The following CLVS1 variants were observed in gnomAD, a reference collection of about 807,000 sequenced individuals.
The protein encoded by CLVS1 is clavesin 1, also known as clavesin-1.
CLVS1 carries 10 observed loss-of-function variants against 33.1 expected under a neutral mutation model. The ratio of observed to expected loss-of-function variants is 0.30; its 90% CI spans 0.19 to 0.51. The LOEUF is 0.51. Ranked by LOEUF, CLVS1 falls within the 20% of genes least tolerant of loss-of-function variation. The probability of loss-of-function intolerance (pLI) is 0.97; values close to 1 mark genes in which losing one functional copy is unlikely to be tolerated. For synonymous variants in CLVS1, 163 were observed against 166.1 expected, an observed-to-expected ratio of 0.98 and a Z score of 0.14; for missense variants, 343 against 433.4, an observed-to-expected ratio of 0.79 and a Z score of 1.85.
At chr8:61,164,060 G>C (rs1434506133) in intron 2 of CLVS1, among the ~76,000 whole-genome samples, 1 of 152,176 alleles carries the variant, frequency 6.6e-6, no homozygotes, top group East Asian at 1.9e-4. Context: ...CCCTCCCCCT[G>C]TGCTCTCAGG....
At chr8:61,067,217 TATTA>T (rs144208386) in intron 1 of CLVS1, among the ~76,000 whole-genome samples, 4 of 141,002 alleles carry the variant, frequency 2.8e-5, no homozygotes. Flanking sequence ...TATCTTTTTG[TATTA>T]ATTATCAGAC....
intron 5 of CLVS1, among the ~76,000 whole-genome samples, chr8:61,471,341 T>C (rs947666249): frequency 6.6e-6 from 1 of 152,176 alleles, no homozygotes; most frequent in Non-Finnish European, 1.5e-5. Context: ...TTCCCAGCGT[T>C]GTGTAGAAGG....
At chr8:61,456,038 T>A (rs149847322) in intron 4 of CLVS1, among the ~76,000 whole-genome samples, 1 of 152,318 alleles carries the variant, frequency 6.6e-6, no homozygotes, top group Non-Finnish European at 1.5e-5. Flanking sequence ...CTAGGACTGT[T>A]CTCAACATGG....
chr8:61,358,322 TACACTGTGTGCAAACACAC>T (rs1046583793), intron 2 of CLVS1, among the ~76,000 whole-genome samples: 2 of 152,246 alleles, frequency 1.3e-5, no homozygotes, highest in Admixed American at 6.5e-5. Flanking sequence ...AATTATATTG[TACACTGTGTGCAAACACAC>T]ACACTGTGTG....
At chr8:61,220,964 T>A (rs75760909) in intron 2 of CLVS1, among the ~76,000 whole-genome samples, 1 of 152,108 alleles carries the variant, frequency 6.6e-6, no homozygotes, top group Non-Finnish European at 1.5e-5. Flanking sequence ...TGGGAATTCG[T>A]TCATGATTTA....
chr8:61,140,628 T>G (rs973367719), intron 2 of CLVS1, among the ~76,000 whole-genome samples: 3 of 152,226 alleles, frequency 2.0e-5, no homozygotes, highest in Admixed American at 6.5e-5. Context: ...AGTGGCGCGA[T>G]CTCGGCTCAC....
At chr8:61,428,112 G>A (rs1173202087) in intron 3 of CLVS1, among the ~76,000 whole-genome samples, 1 of 152,210 alleles carries the variant, frequency 6.6e-6, no homozygotes, top group Non-Finnish European at 1.5e-5. Flanking sequence ...GTTTCATGAT[G>A]CATTTGCCAG....
intron 1 of CLVS1, among the ~76,000 whole-genome samples, chr8:61,071,924 A>G (rs1804803550): frequency 6.6e-6 from 1 of 152,210 alleles, no homozygotes; most frequent in Non-Finnish European, 1.5e-5. Context: ...ACACACACAC[A>G]CACAAATCAC....
At chr8:61,326,079 C>T (rs890726514) in intron 2 of CLVS1, among the ~76,000 whole-genome samples, 5 of 152,164 alleles carry the variant, frequency 3.3e-5, no homozygotes, top group African/African-American at 7.2e-5. Context: ...TAGAGATTTC[C>T]GTACTGCTCT....
intron 3 of CLVS1, among the ~76,000 whole-genome samples, chr8:61,453,884 A>T (rs1172819799): frequency 1.3e-5 from 2 of 152,186 alleles, no homozygotes; most frequent in East Asian, 3.8e-4. Flanking sequence ...TGTAACTGTG[A>T]TTTGAAAAAG....
chr8:61,275,316 G>C (rs535097280), intron 2 of CLVS1, among the ~76,000 whole-genome samples: 18 of 152,102 alleles, frequency 1.2e-4, no homozygotes, highest in African/African-American at 4.1e-4. Context: ...GCACCTAGAT[G>C]CATTTAAATC....
At chr8:61,488,845 T>C (rs1586049977) in intron 5 of CLVS1, among the ~76,000 whole-genome samples, 1 of 152,210 alleles carries the variant, frequency 6.6e-6, no homozygotes, top group South Asian at 2.1e-4. Flanking sequence ...TGGCCTTCCC[T>C]GGCTCCCTTC....
intron 2 of CLVS1, among the ~76,000 whole-genome samples, chr8:61,243,577 A>G (rs903195872): frequency 6.6e-6 from 1 of 152,178 alleles, no homozygotes; most frequent in African/African-American, 2.4e-5. Flanking sequence ...ACTTCTGGTT[A>G]GTTTTTCTGA....
chr8:61,436,537 C>T (rs1816337398), intron 3 of CLVS1, among the ~76,000 whole-genome samples: 1 of 152,124 alleles, frequency 6.6e-6, no homozygotes, highest in Non-Finnish European at 1.5e-5. Context: ...ATGTCCCTTG[C>T]AAAAATTCTG....
intron 2 of CLVS1, among the ~76,000 whole-genome samples, chr8:61,132,863 G>T (rs1045916968): frequency 1.3e-5 from 2 of 152,164 alleles, no homozygotes; most frequent in African/African-American, 4.8e-5. Flanking sequence ...ATTAGTGGAG[G>T]GGGCATTTGG....
intron 3 of CLVS1, among the ~76,000 whole-genome samples, chr8:61,386,694 G>A (rs1469131728): frequency 1.3e-5 from 2 of 152,010 alleles, no homozygotes; most frequent in Non-Finnish European, 2.9e-5. Flanking sequence ...ATAACCATAG[G>A]GAATGACAAC....
rs147877621 is a variant in CLVS1 at position 61,321,492 on chromosome 8, G to A, written c.455+21210G>A. 4.8e-3 allele frequency among the ~76,000 whole-genome samples: 723 copies of A among 151,624 alleles called. 12 individuals are homozygous for A. Among genetic ancestry groups the A allele is most frequent in the African/African-American group, 0.017 (699 of 41,280 alleles). ...CCTGAAAAATTCCCACTGCATATGC[G>A]TGGGAATGGTTGTTATTCTGACATT... On this transcript the variant is annotated intron_variant, in intron 2 of 5. Coordinates refer to ENST00000325897, the MANE Select transcript of CLVS1 (RefSeq NM_173519.3).
intron 5 of CLVS1, among the ~76,000 whole-genome samples, chr8:61,472,632 A>G (rs1333127829): frequency 1.3e-5 from 2 of 152,206 alleles, no homozygotes; most frequent in Non-Finnish European, 2.9e-5. Flanking sequence ...TTGAATTTCC[A>G]TTAACAATTA....
At chr8:61,269,061 C>T (rs1809375356) in intron 2 of CLVS1, among the ~76,000 whole-genome samples, 1 of 148,592 alleles carries the variant, frequency 6.7e-6, no homozygotes, top group Non-Finnish European at 1.5e-5. Context: ...GTTGCCATTG[C>T]TTTTGGTGTT....
Sources: gnomAD v4.1 joint callset for allele counts (sites outside exome capture counted in the v4.1 genomes callset) on GRCh38, gnomAD v4.1.1 for gene constraint, MANE v1.5 for transcripts, NCBI Gene and HGNC (gene_info 2026-07-23, HGNC 2026-07-21) for gene names.